NAGPA: variants seen among roughly 807,000 people sequenced by gnomAD.
NAGPA encodes N-acetylglucosamine-1-phosphodiester alpha-N-acetylglucosaminidase.
Under a neutral mutation model 48.5 loss-of-function variants are expected in NAGPA, and 56 were observed. The observed-to-expected ratio is 1.15, with a 90% CI of 0.93 to 1.44. The LOEUF (loss-of-function observed/expected upper bound fraction) is 1.44, where lower values mean the gene tolerates loss of function less well. Among genes scored for constraint, NAGPA ranks in the 40% most tolerant of loss-of-function variants. The pLI is 0.00. For synonymous variants in NAGPA, 399 were observed against 315.5 expected (o/e 1.26, Z -2.81); for missense variants, 888 against 735.0 (o/e 1.21, Z -2.41).
intron 5 of NAGPA, chr16:5,028,645 A>C (rs1596662896): frequency 2.3e-5 from 14 of 616,690 alleles, no homozygotes; most frequent in Admixed American, 1.3e-4. Flanking sequence ...CCCAGCTACC[A>C]CCTCCTTCAG....
At position 5,033,433 on chromosome 16, in the gene NAGPA, G is replaced by A. The variant is rs766358837; in HGVS notation, c.382C>T (p.Arg128Trp). 12 of 1,594,000 alleles carry A rather than the reference G, an allele frequency of 7.5e-6. No individual in the cohort carries two copies. In the South Asian group the frequency reaches 1.3e-4, roughly 18 times the overall value. Reference sequence around the variant, plus strand: ...TGGGCGACACGGCAGTCGGCCGCCCGCGCCGTCTCCTCCACGGTGGCGCGT... The same window carrying A: ...TGGGCGACACGGCAGTCGGCCGCCCACGCCGTCTCCTCCACGGTGGCGCGT... Reference protein sequence around the residue: ...RRRATVEETARAADCRVAQNG... With the variant: ...RRRATVEETAWAADCRVAQNG... Residue 128 changes from arginine to tryptophan, a missense_variant, in exon 2 of 10, where the codon CGG (arginine) becomes TGG (tryptophan). By Grantham distance (101) the Arg-to-Trp change is moderately radical (BLOSUM62 -3). Transcript: ENST00000312251. The surrounding 1 kb of genome is among the most constrained non-coding windows in gnomAD (Gnocchi z 4.2).
At chr16:5,030,938 T>G (rs1025597187) in intron 3 of NAGPA, 31 of 246,250 alleles carry the variant, frequency 1.3e-4, no homozygotes, top group Admixed American at 1.0e-3. Flanking sequence ...CACTCTTTTT[T>G]TTTTTTTGAG....
chr16:5,032,245 G>A (rs1165605190), intron 2 of NAGPA, among the ~76,000 whole-genome samples: 1 of 152,070 alleles, frequency 6.6e-6, no homozygotes, highest in Admixed American at 6.6e-5. Flanking sequence ...TGGCTTCCTT[G>A]TTTCTCCACT....
chr16:5,028,533 C>A, intron 5 of NAGPA: 1 of 581,868 alleles, frequency 1.7e-6, no homozygotes, highest in Non-Finnish European at 3.1e-6. Flanking sequence ...CTGTGCCCAG[C>A]CCTCTCCAGT....
Position 5,033,911 on chromosome 16 carries a change from C to T in NAGPA, c.4G>A (p.Ala2Thr). The T allele has an allele frequency of 6.5e-7, 1 of 1,549,066 alleles. No homozygotes were observed. The highest frequency in any genetic ancestry group is 8.7e-7 in the Non-Finnish European group (1 of 1,146,870). Reference protein sequence around the residue: MATSTGRWLLLR... With the variant: MTTSTGRWLLLR... ...AGAAGCCAGCGACCCGTGGAGGTCGCCATATTGGACCGGGGCCTCGGGTCA... is the reference window on the plus strand; with the variant it reads ...AGAAGCCAGCGACCCGTGGAGGTCGTCATATTGGACCGGGGCCTCGGGTCA... The change falls in exon 1 of 10, where the codon GCG becomes ACG. Residue 2 changes from alanine (A) to threonine (T), a missense_variant. Coordinates refer to ENST00000312251, the MANE Select transcript of NAGPA (RefSeq NM_016256.4). The surrounding 1 kb of genome is among the most constrained non-coding windows in gnomAD (Gnocchi z 4.2).
chr16:5,031,629 T>C (rs1956097319), intron 3 of NAGPA, 116 bp downstream of exon 3: 5 of 1,394,792 alleles, frequency 3.6e-6, no homozygotes, highest in Non-Finnish European at 5.1e-6. Flanking sequence ...GTACCCAGAA[T>C]AGTGCTGGGC....
In NAGPA at chr16:5,033,619, G is replaced by A. The variant is rs1392659410; in HGVS notation, c.196C>T (p.Pro66Ser). 3 of 1,516,518 alleles carry A rather than the reference G, an allele frequency of 2.0e-6. No homozygotes were observed. The African/African-American group carries it at 4.3e-5, about 22-fold the overall frequency. The allele number at this position is 1,516,518 out of a possible 1,614,324, so 93.9% of individuals were successfully genotyped here. A position where few individuals can be genotyped will look rare whatever the true frequency, so the allele number is the denominator to read the frequency against. Residue 66 changes from proline (P) to serine (S), a missense_variant, in exon 2 of 10, where the codon CCG (proline) becomes TCG (serine). Pro to Ser is a moderately conservative substitution (Grantham distance 74, BLOSUM62 -1). Coordinates refer to ENST00000312251, the MANE Select transcript of NAGPA (RefSeq NM_016256.4). This position sits in a 1 kb window ranked among gnomAD's most constrained non-coding sequence, Gnocchi z 4.2. ...AGNREHESWP[P>S]PPATPGAGGL... ...CCGGCGCCGGGAGTCGCGGGAGGCG[G>A]AGGCCAACTCTCGTGCTCGCGGTTG...
rs765773615 is a variant in NAGPA at position 5,033,370 on chromosome 16, G to C, written c.445C>G (p.Leu149Val). The change falls in exon 2 of 10, where the codon CTG becomes GTG. Residue 149 changes from leucine to valine, a missense_variant. Physicochemically the swap from Leu to Val is conservative, Grantham distance 32. Transcript: ENST00000312251. The surrounding 1 kb of genome is among the most constrained non-coding windows in gnomAD (Gnocchi z 4.2). Reference protein sequence around the residue: ...GFFRMNSGECLGNVVSDERRV... With the variant: ...GFFRMNSGECVGNVVSDERRV... ...CGCTCGTCGCTCACCACGTTCCCCA[G>C]GCACTCGCCCGAGTTCATGCGGAAG... 25 of 1,597,776 alleles carry C rather than the reference G, an allele frequency of 1.6e-5. No individual in the cohort carries two copies. Among genetic ancestry groups the C allele is most frequent in the Non-Finnish European group, 2.1e-5 (25 of 1,179,612 alleles).
At chr16:5,029,460 T>G (rs1223105255) in intron 4 of NAGPA, 2 of 268,522 alleles carry the variant, frequency 7.4e-6, no homozygotes, top group Non-Finnish European at 1.5e-5. Flanking sequence ...CAGTCACAAC[T>G]GAGGAGGCGA....
intron 9 of NAGPA, among the ~76,000 whole-genome samples, chr16:5,026,421 C>G (rs893974291): frequency 1.3e-5 from 2 of 151,912 alleles, no homozygotes; most frequent in Admixed American, 6.5e-5. Flanking sequence ...GTAATCCCAG[C>G]TACTCAGGAG....
At chr16:5,031,400 G>C (rs1432235435) in intron 3 of NAGPA, 1 of 346,572 alleles carries the variant, frequency 2.9e-6, no homozygotes, top group Non-Finnish European at 5.6e-6. Flanking sequence ...GTGGGGCTTT[G>C]AAACAAGCTC....
rs1956047810 is a variant in NAGPA at position 5,028,698 on chromosome 16, A to C, written c.920+182T>G. 3 of 901,872 alleles carry C rather than the reference A, an allele frequency of 3.3e-6. No individual in the cohort carries two copies. The South Asian group carries it at 4.2e-5, about 13-fold the overall frequency. 55.9% of individuals were successfully genotyped at this position (901,872 alleles called of 1,614,324 possible). On this transcript the variant is annotated intron_variant, in intron 5 of 9. Coordinates refer to ENST00000312251, the MANE Select transcript of NAGPA (RefSeq NM_016256.4). Reference sequence around the variant, plus strand: ...GTCATCCTCAGGGAGGTCTTTGCTGACCAACTGACCCTGCTCCTAGGCCTG... The same window carrying C: ...GTCATCCTCAGGGAGGTCTTTGCTGCCCAACTGACCCTGCTCCTAGGCCTG...
chr16:5,026,921 C>T (rs984189515), intron 9 of NAGPA, among the ~76,000 whole-genome samples: 7 of 152,166 alleles, frequency 4.6e-5, no homozygotes, highest in African/African-American at 1.7e-4. Flanking sequence ...TTCTGAGCTC[C>T]AGTGGGGGAT....
At chr16:5,031,350 G>C (rs1956093409) in intron 3 of NAGPA, 1 of 292,276 alleles carries the variant, frequency 3.4e-6, no homozygotes. Context: ...TTAAAACATA[G>C]ACTCTTGGGC....
intron 4 of NAGPA, 101 bp from the exon 5 acceptor site, chr16:5,029,109 G>A (rs1356417470): frequency 1.9e-6 from 3 of 1,581,574 alleles, no homozygotes; most frequent in African/African-American, 1.3e-5. Context: ...CACAGTGCAG[G>A]CACATTTCTA....
chr16:5,027,903 C>T lies in NAGPA; in HGVS notation c.1127-10G>A, dbSNP rs768438845. 1.2e-6 allele frequency: 2 copies of T among 1,605,422 alleles called. No individual in the cohort carries two copies. The highest frequency in any genetic ancestry group is 1.1e-5 in the South Asian group (1 of 90,118). On this transcript the variant is annotated splice_polypyrimidine_tract_variant and intron_variant, in intron 6 of 9. Coordinates refer to ENST00000312251, the MANE Select transcript of NAGPA (RefSeq NM_016256.4). ...TCACAGCGGCAGCCGGCTGCCGAGA[C>T]AAGACCGGGGAGGCCAGGTGAGGGC...
At position 5,027,732 on chromosome 16, in the gene NAGPA, G is replaced by C; in HGVS notation, c.1174+114C>G. ...ATGTGCAGGTGAGGCCGGGGCAGAA[G>C]ACAAGAGGCAAGCATTTCCCAGACC... On this transcript the variant is annotated intron_variant, in intron 7 of 9. Transcript: ENST00000312251. The C allele has an allele frequency of 2.8e-6, 4 of 1,453,018 alleles. No individual in the cohort carries two copies. In the South Asian group the frequency reaches 4.9e-5, roughly 18 times the overall value. The allele number at this position is 1,453,018 out of a possible 1,614,324, so 90.0% of individuals were successfully genotyped here.
Position 5,033,725 on chromosome 16 carries a change from G to A in NAGPA, c.90C>T (p.Ala30=), listed in dbSNP as rs1335541518. The change falls in exon 2 of 10, where the codon GCC becomes GCT. Residue 30 remains alanine, a synonymous_variant. Coordinates refer to ENST00000312251, the MANE Select transcript of NAGPA (RefSeq NM_016256.4). This position sits in a 1 kb window ranked among gnomAD's most constrained non-coding sequence, Gnocchi z 4.2. ...WEASGGLDSG[A]SRDDDLLLPY... is the part of the protein sequence containing the mutation. ...GCAGTAGCAAGTCGTCGTCGCGGGA[G>A]GCCCTGCGGGGACGGGCGGCCGTGA... 1.9e-6 allele frequency: 3 copies of A among 1,603,440 alleles called. No individual in the cohort carries two copies. The highest frequency in any genetic ancestry group is 2.2e-5 in the South Asian group (2 of 90,092).
Position 5,033,927 on chromosome 16 carries a change from C to T in NAGPA, c.-13G>A, listed in dbSNP as rs1303429691. ...TGGAGGTCGCCATATTGGACCGGGG[C>T]CTCGGGTCATGTGGGCTCGCCTCAC... On this transcript the variant is annotated 5_prime_UTR_variant, in exon 1 of 10. Coordinates refer to ENST00000312251, the MANE Select transcript of NAGPA (RefSeq NM_016256.4). This position sits in a 1 kb window ranked among gnomAD's most constrained non-coding sequence, Gnocchi z 4.2. 23 of 1,548,442 alleles carry T rather than the reference C, an allele frequency of 1.5e-5. No individual in the cohort carries two copies. The highest frequency in any genetic ancestry group is 2.7e-5 in the African/African-American group (2 of 72,964).
Sources: gnomAD v4.1 joint callset for allele counts (sites outside exome capture counted in the v4.1 genomes callset) on GRCh38, gnomAD v4.1.1 for gene constraint, Gnocchi (gnomAD v3.1) non-coding constraint, MANE v1.5 for transcripts, NCBI Gene and HGNC (gene_info 2026-07-23, HGNC 2026-07-21) for gene names.